GAS7: variants seen among roughly 807,000 people sequenced by gnomAD.
GAS7 encodes the protein growth arrest-specific protein 7.
A neutral mutation model predicts 71.1 loss-of-function variants in GAS7; 28 were observed. The ratio of observed to expected loss-of-function variants is 0.39; its 90% CI spans 0.29 to 0.54. The LOEUF (loss-of-function observed/expected upper bound fraction) is 0.54. GAS7 is among the 20% of genes least tolerant of loss of function. GAS7 has a pLI of 0.62. For missense variants in GAS7, 436 were observed against 627.8 expected (o/e 0.69, Z 3.27); for synonymous variants, 258 against 245.8 (o/e 1.05, Z -0.46).
chr17:10,054,778 C>G (rs529239700), intron 1 of GAS7, among the ~76,000 whole-genome samples: 99 of 152,308 alleles, frequency 6.5e-4, no homozygotes, highest in African/African-American at 2.3e-3. Context: ...CCAGCTTCCA[C>G]GGGATCTGTG....
chr17:10,078,104 G>GTTTTA (rs1321197613), intron 1 of GAS7, among the ~76,000 whole-genome samples: 11 of 150,580 alleles, frequency 7.3e-5, no homozygotes, highest in African/African-American at 2.7e-4. Flanking sequence ...GTTTTGTTTT[G>GTTTTA]TTTTGGAGAC....
At chr17:9,979,862 T>TAAA (rs749550179) in intron 3 of GAS7, among the ~76,000 whole-genome samples, 58 of 141,218 alleles carry the variant, frequency 4.1e-4, no homozygotes, top group South Asian at 9.0e-4. Flanking sequence ...TTGATTGTTT[T>TAAA]AAAAAAAAAA....
intron 1 of GAS7, among the ~76,000 whole-genome samples, chr17:10,079,319 T>C (rs2073431223): frequency 6.6e-6 from 1 of 152,204 alleles, no homozygotes; most frequent in Non-Finnish European, 1.5e-5. Flanking sequence ...ACTATCTGAA[T>C]GGACATCCTC....
Position 10,005,042 on chromosome 17 carries a change from C to CATATATATATATATAT in GAS7, c.304+14734_304+14735insATATATATATATATAT, listed in dbSNP as rs370673273. Among the ~76,000 whole-genome samples, 1,103 of 144,858 alleles carry CATATATATATATATAT rather than the reference C, an allele frequency of 7.6e-3. 19 individuals carry two copies. The highest frequency in any genetic ancestry group is 0.026 in the African/African-American group (945 of 35,676). ...CGCTCTCTCTCTCTATATATACATA[C>CATATATATATATATAT]ATATATATACACATATATGTGTGTA... On this transcript the variant is annotated intron_variant, in intron 2 of 13. Transcript: ENST00000432992.
In GAS7 at chr17:9,919,778, C is replaced by T; in HGVS notation, c.1139-73G>A. The T allele has an allele frequency of 8.9e-7, 1 of 1,122,862 alleles. No homozygotes were observed. Among genetic ancestry groups the T allele is most frequent in the Non-Finnish European group, 1.4e-6 (1 of 734,882 alleles). The allele number at this position is 1,122,862 out of a possible 1,614,324, so 69.6% of individuals were successfully genotyped here. Reference sequence around the variant, plus strand: ...TGACTCTGTGCCCCACCCTGAGCCCCACAGCCAAGCCTTCTCCTCCCCCTG... The same window carrying T: ...TGACTCTGTGCCCCACCCTGAGCCCTACAGCCAAGCCTTCTCCTCCCCCTG... On this transcript the variant is annotated intron_variant, in intron 11 of 13. Coordinates refer to ENST00000432992, the MANE Select transcript of GAS7 (RefSeq NM_201433.2). The surrounding 1 kb of genome is among the most constrained non-coding windows in gnomAD (Gnocchi z 5.0).
chr17:10,185,949 ATTTTTTTTTTTTTT>A (rs148937908), intron 1 of GAS7, among the ~76,000 whole-genome samples: 12 of 92,542 alleles, frequency 1.3e-4, no homozygotes, highest in Middle Eastern at 5.7e-3. Flanking sequence ...ATCAGTCTGC[ATTTTTTTTTTTTTT>A]TTTTTTTTTG....
chr17:9,972,263 A>G (rs1158931937), intron 3 of GAS7, among the ~76,000 whole-genome samples: 6 of 152,234 alleles, frequency 3.9e-5, no homozygotes, highest in Non-Finnish European at 2.9e-5. Context: ...AGGCAAGGAC[A>G]GGATTCCAAC....
rs375053727 is a variant in GAS7 at position 10,000,916 on chromosome 17, A to G, written c.304+18861T>C. 3.9e-5 allele frequency among the ~76,000 whole-genome samples: 6 copies of G among 152,316 alleles called. No individual in the cohort carries two copies. The East Asian group carries it at 1.2e-3, about 29-fold the overall frequency. ...AGCGAAGTCTTGGTCTGAGACAAGG[A>G]GTCATCATCTCCTTGCCTTCCAGCC... On this transcript the variant is annotated intron_variant, in intron 2 of 13. Coordinates refer to ENST00000432992, the MANE Select transcript of GAS7 (RefSeq NM_201433.2).
At chr17:10,007,991 G>T (rs2071609091) in intron 2 of GAS7, among the ~76,000 whole-genome samples, 1 of 152,112 alleles carries the variant, frequency 6.6e-6, no homozygotes, top group Non-Finnish European at 1.5e-5. Context: ...ACGGCTTTTT[G>T]TGTCTAGCTT....
At chr17:10,052,437 T>G (rs1248178601) in intron 1 of GAS7, among the ~76,000 whole-genome samples, 5 of 151,976 alleles carry the variant, frequency 3.3e-5, no homozygotes, top group Non-Finnish European at 7.4e-5. Flanking sequence ...TCTAAGAGGG[T>G]GGGTAGGAAA....
At chr17:9,931,585 G>C (rs977268238) in intron 9 of GAS7, among the ~76,000 whole-genome samples, 1 of 152,238 alleles carries the variant, frequency 6.6e-6, no homozygotes, top group African/African-American at 2.4e-5. Context: ...TGAGGGGAAA[G>C]CTACTCATGA....
At chr17:10,017,138 AAAT>A (rs2072063235) in intron 2 of GAS7, among the ~76,000 whole-genome samples, 3 of 105,104 alleles carry the variant, frequency 2.9e-5, no homozygotes, top group Middle Eastern at 4.0e-3. Flanking sequence ...CTAAAAAAAT[AAAT>A]AAATAAATAA....
At position 10,075,516 on chromosome 17, in the gene GAS7, T is replaced by C. The variant is rs566915646; in HGVS notation, c.184-55619A>G. Among the ~76,000 whole-genome samples the C allele has an allele frequency of 2.6e-5, 4 of 151,898 alleles. No individual in the cohort carries two copies. The East Asian group carries it at 7.7e-4, about 29-fold the overall frequency. On this transcript the variant is annotated intron_variant, in intron 1 of 13. Transcript: ENST00000432992. ...AACACAGTGAGGCAACAAAAAGAAATAAATAAATGAAATAAAGCCTCTAAT... is the reference window on the plus strand; with the variant it reads ...AACACAGTGAGGCAACAAAAAGAAACAAATAAATGAAATAAAGCCTCTAAT...
intron 1 of GAS7, among the ~76,000 whole-genome samples, chr17:10,065,009 TG>T (rs34131780): frequency 0.56 from 84,877 of 151,840 alleles, 24,523 homozygotes; most frequent in African/African-American, 0.69. Flanking sequence ...TTTATACAGA[TG>T]GGGGTCTCAC....
intron 1 of GAS7, among the ~76,000 whole-genome samples, chr17:10,154,913 T>TACACACACACACAC (rs57604032): frequency 5.7e-4 from 81 of 142,032 alleles, no homozygotes; most frequent in African/African-American, 2.0e-3. Flanking sequence ...AACCCCAGGC[T>TACACACACACACAC]ACACACACAC....
At chr17:9,998,202 T>C (rs1443614390) in intron 2 of GAS7, among the ~76,000 whole-genome samples, 5 of 152,224 alleles carry the variant, frequency 3.3e-5, no homozygotes, top group Non-Finnish European at 1.5e-5. Flanking sequence ...AACAAGAGAC[T>C]AACATTCTGG....
chr17:10,090,094 G>A (rs916285274), intron 1 of GAS7, among the ~76,000 whole-genome samples: 19 of 152,116 alleles, frequency 1.2e-4, no homozygotes, highest in African/African-American at 4.1e-4. Context: ...GCTTGAACCC[G>A]GGAGGCAGAG....
chr17:10,061,771 G>A (rs902804397), intron 1 of GAS7, among the ~76,000 whole-genome samples: 1 of 152,084 alleles, frequency 6.6e-6, no homozygotes. Flanking sequence ...AGCGAACTGT[G>A]CTGGGCGTTC....
intron 1 of GAS7, among the ~76,000 whole-genome samples, chr17:10,043,734 G>A (rs866914759): frequency 2.0e-5 from 3 of 152,166 alleles, no homozygotes; most frequent in South Asian, 4.1e-4. Flanking sequence ...GGGCAGTCTG[G>A]TGAGTGAGAG....
Sources: gnomAD v4.1 joint callset for allele counts (sites outside exome capture counted in the v4.1 genomes callset) on GRCh38, gnomAD v4.1.1 for gene constraint, Gnocchi (gnomAD v3.1) non-coding constraint, MANE v1.5 for transcripts, NCBI Gene and HGNC (gene_info 2026-07-23, HGNC 2026-07-21) for gene names.